Variants in PTPRD observed in about 807,000 individuals in gnomAD.
PTPRD encodes the protein receptor-type tyrosine-protein phosphatase delta.
In PTPRD, 34 loss-of-function variants were observed where a neutral mutation model predicts 214.5. That is an observed-to-expected ratio of 0.16 (90% confidence interval 0.12 to 0.21). The LOEUF (loss-of-function observed/expected upper bound fraction) is 0.21. Ranked by LOEUF, PTPRD falls within the 10% of genes least tolerant of loss-of-function variation. The pLI is 1.00. For missense variants in PTPRD, 2,545 were observed against 2,398.7 expected (o/e 1.06, Z -1.27); for synonymous variants, 1,128 against 845.7 (o/e 1.33, Z -5.79).
chr9:9,735,358 G>C (rs1278903716), intron 6 of PTPRD, among the ~76,000 whole-genome samples: 4 of 152,062 alleles, frequency 2.6e-5, no homozygotes, highest in Non-Finnish European at 5.9e-5. Flanking sequence ...TTAAACATTT[G>C]ATGGTAGCCT....
chr9:9,598,229 G>A (rs2093503539), intron 7 of PTPRD, among the ~76,000 whole-genome samples: 1 of 152,014 alleles, frequency 6.6e-6, no homozygotes, highest in Non-Finnish European at 1.5e-5. Context: ...CTTCCTCAAG[G>A]TGGACACAGT....
intron 3 of PTPRD, among the ~76,000 whole-genome samples, chr9:10,058,809 T>C (rs1396398377): frequency 6.6e-6 from 1 of 152,114 alleles, no homozygotes; most frequent in Non-Finnish European, 1.5e-5. Context: ...ATTGTTTTTT[T>C]CCAATTTTGG....
intron 9 of PTPRD, among the ~76,000 whole-genome samples, chr9:9,371,051 A>G (rs1347849959): frequency 1.3e-5 from 2 of 150,944 alleles, no homozygotes; most frequent in Non-Finnish European, 2.9e-5. Context: ...AATATTCATT[A>G]AGGATATTGG....
Position 8,444,288 on chromosome 9 carries a change from G to A in PTPRD, c.3988+5437C>T, listed in dbSNP as rs141071551. ...CATTGTCATTATCTGTTAAAAAGAA[G>A]ACATAATACACTCACTTGAAAAAAG... On this transcript the variant is annotated intron_variant, in intron 34 of 45. Transcript: ENST00000381196. 3.3e-5 allele frequency among the ~76,000 whole-genome samples: 5 copies of A among 152,088 alleles called. No homozygotes were observed. In the East Asian group the frequency reaches 9.7e-4, roughly 29 times the overall value.
At chr9:9,002,529 T>C (rs2099428384) in intron 11 of PTPRD, among the ~76,000 whole-genome samples, 1 of 152,050 alleles carries the variant, frequency 6.6e-6, no homozygotes, top group African/African-American at 2.4e-5. Context: ...GTGCCTATAA[T>C]GGTAGAGAAT....
chr9:10,246,151 G>T (rs1431876542), intron 3 of PTPRD, among the ~76,000 whole-genome samples: 4 of 152,016 alleles, frequency 2.6e-5, no homozygotes, highest in African/African-American at 9.7e-5. Context: ...GCAACTACTA[G>T]ATATAAAAGC....
chr9:9,025,822 G>A (rs970504325), intron 10 of PTPRD, among the ~76,000 whole-genome samples: 5 of 151,746 alleles, frequency 3.3e-5, no homozygotes, highest in African/African-American at 9.7e-5. Flanking sequence ...TCATAACTGC[G>A]TGATTAGAAA....
intron 3 of PTPRD, among the ~76,000 whole-genome samples, chr9:10,272,445 A>C (rs2094473680): frequency 1.3e-5 from 2 of 152,106 alleles, no homozygotes; most frequent in South Asian, 4.2e-4. Flanking sequence ...ATATGTGTTC[A>C]TTTTTCTTGG....
At chr9:8,900,912 T>A (rs1480445809) in intron 11 of PTPRD, among the ~76,000 whole-genome samples, 1 of 152,176 alleles carries the variant, frequency 6.6e-6, no homozygotes, top group Non-Finnish European at 1.5e-5. Context: ...TTTATAGAAT[T>A]CCATCCAACT....
At chr9:9,446,822 A>T (rs2144888087) in intron 8 of PTPRD, among the ~76,000 whole-genome samples, 2 of 152,300 alleles carry the variant, frequency 1.3e-5, no homozygotes, top group East Asian at 3.9e-4. Flanking sequence ...TTACAATAAA[A>T]AGGAAAAGAA....
chr9:9,106,143 C>T (rs2099798244), intron 10 of PTPRD, among the ~76,000 whole-genome samples: 1 of 152,016 alleles, frequency 6.6e-6, no homozygotes, highest in South Asian at 2.1e-4. Flanking sequence ...TTTTGTTATC[C>T]ACTTAGTGGG....
intron 5 of PTPRD, among the ~76,000 whole-genome samples, chr9:9,934,974 A>G (rs2088588135): frequency 6.6e-6 from 1 of 152,222 alleles, no homozygotes; most frequent in South Asian, 2.1e-4. Flanking sequence ...AAAGACAAAA[A>G]CCACATGATT....
At chr9:9,608,920 C>T (rs188924336) in intron 7 of PTPRD, among the ~76,000 whole-genome samples, 175 of 152,164 alleles carry the variant, frequency 1.2e-3, no homozygotes, top group African/African-American at 4.0e-3. Flanking sequence ...ATTCTTTATT[C>T]GGAGGGAAAA....
chr9:10,496,357 C>T (rs1370995628), intron 2 of PTPRD, among the ~76,000 whole-genome samples: 1 of 151,824 alleles, frequency 6.6e-6, no homozygotes, highest in Non-Finnish European at 1.5e-5. Context: ...GATATATAAG[C>T]CCTACTTTAT....
At chr9:9,585,942 T>C (rs746738056) in intron 7 of PTPRD, among the ~76,000 whole-genome samples, 3 of 152,012 alleles carry the variant, frequency 2.0e-5, no homozygotes, top group Admixed American at 1.3e-4. Context: ...GAGCAACCTA[T>C]GTGTTTGCTT....
chr9:9,575,090 C>T (rs1377682263), intron 7 of PTPRD, among the ~76,000 whole-genome samples: 2 of 152,090 alleles, frequency 1.3e-5, no homozygotes, highest in African/African-American at 4.8e-5. Flanking sequence ...ATGTATTTTG[C>T]TAGATAACCT....
At chr9:9,184,572 A>T (rs902601161) in intron 9 of PTPRD, among the ~76,000 whole-genome samples, 2 of 152,070 alleles carry the variant, frequency 1.3e-5, no homozygotes, top group African/African-American at 4.8e-5. Flanking sequence ...TAGGACATCT[A>T]TTGGCACTGC....
At chr9:10,313,068 C>G (rs558086822) in intron 3 of PTPRD, among the ~76,000 whole-genome samples, 148 of 151,872 alleles carry the variant, frequency 9.7e-4, no homozygotes, top group Non-Finnish European at 8.7e-4. Flanking sequence ...CATTCTTCCT[C>G]TCTCCGCAGG....
chr9:10,547,085 A>T (rs1240346720), intron 2 of PTPRD, among the ~76,000 whole-genome samples: 4 of 152,082 alleles, frequency 2.6e-5, no homozygotes, highest in Admixed American at 2.6e-4. Flanking sequence ...CTCTAAGTGT[A>T]GGCTAACAAA....
Sources: allele counts gnomAD v4.1 joint callset (sites outside exome capture counted in the v4.1 genomes callset), GRCh38; gene constraint gnomAD v4.1.1; transcripts MANE v1.5; gene names NCBI Gene and HGNC (gene_info 2026-07-23, HGNC 2026-07-21).